The following RBMS3 variants were observed in gnomAD, a reference collection of about 807,000 sequenced individuals.
RBMS3 encodes RNA-binding motif, single-stranded-interacting protein 3.
Under a neutral mutation model 66.8 loss-of-function variants are expected in RBMS3, and 27 were observed. The observed-to-expected ratio is 0.40, with a 90% CI of 0.30 to 0.56. The LOEUF is 0.56. Ranked by LOEUF, RBMS3 falls within the 20% of genes least tolerant of loss-of-function variation. The probability of loss-of-function intolerance (pLI) is 0.40; values close to 1 mark genes in which losing one functional copy is unlikely to be tolerated. For synonymous variants in RBMS3, 188 were observed against 183.0 expected, an observed-to-expected ratio of 1.03 and a Z score of -0.22; for missense variants, 513 against 549.5, an observed-to-expected ratio of 0.93 and a Z score of 0.66.
intron 2 of RBMS3, among the ~76,000 whole-genome samples, chr3:29,475,689 G>A (rs1013730570): frequency 3.9e-5 from 6 of 152,016 alleles, no homozygotes; most frequent in South Asian, 2.1e-4. Flanking sequence ...TATAAAGCAC[G>A]GGGTATCTCC....
chr3:29,688,578 T>G (rs2051839449), intron 4 of RBMS3, among the ~76,000 whole-genome samples: 1 of 72,072 alleles, frequency 1.4e-5, no homozygotes, highest in Non-Finnish European at 3.5e-5. Context: ...TTTTTTTTTT[T>G]TTTTTTTTTT....
intron 5 of RBMS3, among the ~76,000 whole-genome samples, chr3:29,747,778 C>T (rs2054989662): frequency 2.0e-5 from 3 of 152,094 alleles, no homozygotes; most frequent in Non-Finnish European, 2.9e-5. Context: ...GGTTAAAAGG[C>T]ATTATTCAGA....
intron 6 of RBMS3, among the ~76,000 whole-genome samples, chr3:29,817,818 A>AC (rs2057956704): frequency 6.6e-6 from 1 of 152,048 alleles, no homozygotes; most frequent in Non-Finnish European, 1.5e-5. Context: ...TATTATAAAA[A>AC]AAACAAGCAG....
intron 1 of RBMS3, among the ~76,000 whole-genome samples, chr3:29,359,933 C>G (rs921614878): frequency 1.3e-5 from 2 of 152,084 alleles, no homozygotes; most frequent in Non-Finnish European, 2.9e-5. Flanking sequence ...TGATTCTTCT[C>G]TCTTTTCTTC....
At chr3:29,330,726 T>G (rs2035605094) in intron 1 of RBMS3, among the ~76,000 whole-genome samples, 1 of 152,180 alleles carries the variant, frequency 6.6e-6, no homozygotes, top group Non-Finnish European at 1.5e-5. Context: ...CTGCTCACCC[T>G]GTGAAATGCT....
At chr3:29,790,937 C>T (rs2056989054) in intron 6 of RBMS3, among the ~76,000 whole-genome samples, 1 of 152,166 alleles carries the variant, frequency 6.6e-6, no homozygotes, top group Non-Finnish European at 1.5e-5. Context: ...CTGCACTCTG[C>T]AGACCCATTC....
chr3:29,517,324 TTTTTTG>T lies in RBMS3; in HGVS notation c.307+28831_307+28836del, dbSNP rs1216880134. ...GTGTGTGTGTATATATATATATTTTTTTTTTGTTTTTTTTTTGAAACAGAGTCTCGC... is the reference window on the plus strand; with the variant it reads ...GTGTGTGTGTATATATATATATTTTTTTTTTTTTTTGAAACAGAGTCTCGC... On this transcript the variant is annotated intron_variant, in intron 3 of 14. Coordinates refer to ENST00000383767, the MANE Select transcript of RBMS3 (RefSeq NM_001003793.3). Among the ~76,000 whole-genome samples the T allele has an allele frequency of 2.4e-4, 29 of 120,706 alleles. No homozygotes were observed. The East Asian group carries it at 3.4e-3, about 14-fold the overall frequency. The allele number at this position is 120,706 out of a possible 152,430, so 79.2% of individuals were successfully genotyped here. A position where few individuals can be genotyped will look rare whatever the true frequency, so the allele number is the denominator to read the frequency against.
chr3:29,825,554 G>C (rs2058190122), intron 6 of RBMS3, among the ~76,000 whole-genome samples: 1 of 151,988 alleles, frequency 6.6e-6, no homozygotes, highest in South Asian at 2.1e-4. Context: ...TTTTATAATG[G>C]GGAGTTCCCC....
At chr3:29,426,082 A>G (rs557881478) in intron 1 of RBMS3, among the ~76,000 whole-genome samples, 1 of 152,316 alleles carries the variant, frequency 6.6e-6, no homozygotes, top group African/African-American at 2.4e-5. Flanking sequence ...ATCATTATCA[A>G]TATTGGAGTC....
At chr3:29,538,096 A>T (rs977283303) in intron 3 of RBMS3, among the ~76,000 whole-genome samples, 44 of 152,294 alleles carry the variant, frequency 2.9e-4, no homozygotes, top group Admixed American at 3.3e-4. Flanking sequence ...CATGTCATTC[A>T]CATTCTTGGG....
chr3:29,859,901 T>C (rs913807212), intron 6 of RBMS3, among the ~76,000 whole-genome samples: 1 of 151,840 alleles, frequency 6.6e-6, no homozygotes, highest in Non-Finnish European at 1.5e-5. Flanking sequence ...CACACACACA[T>C]ACACACATAC....
chr3:29,743,031 G>A (rs534641170), intron 5 of RBMS3, among the ~76,000 whole-genome samples: 1 of 152,284 alleles, frequency 6.6e-6, no homozygotes, highest in African/African-American at 2.4e-5. Flanking sequence ...CACAGAAAAA[G>A]TATTTCGTTC....
At chr3:29,899,800 G>T (rs1486577112) in intron 10 of RBMS3, 45 bp downstream of exon 10, 1 of 1,579,456 alleles carries the variant, frequency 6.3e-7, no homozygotes, top group Non-Finnish European at 8.7e-7. Flanking sequence ...TATTATCCAA[G>T]TACAAGCTTT....
At chr3:29,521,119 A>G (rs1193832613) in intron 3 of RBMS3, among the ~76,000 whole-genome samples, 1 of 152,084 alleles carries the variant, frequency 6.6e-6, no homozygotes, top group African/African-American at 2.4e-5. Context: ...ATCCTATTTT[A>G]TCCCACCCCA....
At chr3:29,748,650 G>T (rs968361313) in intron 5 of RBMS3, among the ~76,000 whole-genome samples, 11 of 152,114 alleles carry the variant, frequency 7.2e-5, no homozygotes, top group African/African-American at 2.7e-4. Flanking sequence ...GTGAGGAGGG[G>T]CATGATCAAA....
intron 6 of RBMS3, among the ~76,000 whole-genome samples, chr3:29,831,730 G>T (rs1029277843): frequency 6.6e-6 from 1 of 152,060 alleles, no homozygotes; most frequent in Admixed American, 6.6e-5. Context: ...ATAATTTTAT[G>T]TAAGGACCTG....
In RBMS3 at chr3:29,899,884, AT is replaced by A. The variant is rs1463678610; in HGVS notation, c.939+130del. On this transcript the variant is annotated intron_variant, in intron 10 of 14. Coordinates refer to ENST00000383767, the MANE Select transcript of RBMS3 (RefSeq NM_001003793.3). ...TCGTTCAGGCAGCCATATTCTCCAGATAAAAAGCTGTTCCTGAAATTCTACA... is the reference window on the plus strand; with the variant it reads ...TCGTTCAGGCAGCCATATTCTCCAGAAAAAAGCTGTTCCTGAAATTCTACA... 88 of 827,280 alleles carry A rather than the reference AT, an allele frequency of 1.1e-4. 1 individual carries two copies. The highest frequency in any genetic ancestry group is 1.6e-4 in the Non-Finnish European group (85 of 535,546). 51.2% of individuals were successfully genotyped at this position (827,280 alleles called of 1,614,324 possible). A position where few individuals can be genotyped will look rare whatever the true frequency, so the allele number is the denominator to read the frequency against.
At chr3:29,369,927 G>C (rs145890383) in intron 1 of RBMS3, among the ~76,000 whole-genome samples, 120 of 152,176 alleles carry the variant, frequency 7.9e-4, no homozygotes, top group Non-Finnish European at 1.5e-3. Flanking sequence ...AAACCTCCGA[G>C]ACTTTGGCTT....
In RBMS3 at chr3:30,004,899, ACTT is replaced by A. The variant is rs1699760988; in HGVS notation, c.*1038_*1040del. ...TAGCTTAAGAGCATTAAAAAAAAAAACTTAAGTAGATAGGAGCTTATGGTCAAA... is the reference window on the plus strand; with the variant it reads ...TAGCTTAAGAGCATTAAAAAAAAAAAAAGTAGATAGGAGCTTATGGTCAAA... On this transcript the variant is annotated 3_prime_UTR_variant, in exon 15 of 15. Transcript: ENST00000383767. The A allele has an allele frequency of 6.7e-6, 1 of 149,824 alleles. No individual in the cohort carries two copies. Among genetic ancestry groups the A allele is most frequent in the South Asian group, 2.2e-4 (1 of 4,640 alleles). 9.3% of individuals were successfully genotyped at this position (149,824 alleles called of 1,614,324 possible).
Sources: gnomAD v4.1 joint callset for allele counts (sites outside exome capture counted in the v4.1 genomes callset) on GRCh38, gnomAD v4.1.1 for gene constraint, MANE v1.5 for transcripts, NCBI Gene and HGNC (gene_info 2026-07-23, HGNC 2026-07-21) for gene names.